CDC42: variants seen among roughly 807,000 people sequenced by gnomAD.
The protein encoded by CDC42 is cell division control protein 42 homolog.
CDC42 carries 1 observed loss-of-function variant against 20.8 expected under a neutral mutation model. The observed-to-expected ratio is 0.05, with a 90% CI of 0.02 to 0.23. The LOEUF is 0.23. Among genes scored for constraint, CDC42 ranks in the 10% least tolerant of loss-of-function variants. The pLI is 1.00. For synonymous variants in CDC42, 72 were observed against 84.8 expected (o/e 0.85, Z 0.83); for missense variants, 49 against 227.9 (o/e 0.21, Z 5.05).
chr1:22,071,048 T>TTC (rs1331669895), intron 1 of CDC42, among the ~76,000 whole-genome samples: 1,827 of 142,886 alleles, frequency 0.013, 55 homozygotes, highest in African/African-American at 0.042. Flanking sequence ...TTTTCTTTCT[T>TTC]TTTTTTTTTT....
At chr1:22,067,661 G>C (rs1460429531) in intron 1 of CDC42, among the ~76,000 whole-genome samples, 1 of 152,056 alleles carries the variant, frequency 6.6e-6, no homozygotes, top group African/African-American at 2.4e-5. Flanking sequence ...GTTCCTTTTT[G>C]CTGTGTCTTC....
intron 5 of CDC42, among the ~76,000 whole-genome samples, chr1:22,087,399 G>A (rs1196307618): frequency 1.3e-5 from 2 of 152,106 alleles, no homozygotes; most frequent in Non-Finnish European, 2.9e-5. Context: ...TATATTTTTG[G>A]AAGTATTCCT....
chr1:22,059,390 T>A (rs1645338320), intron 1 of CDC42: 1 of 152,212 alleles, frequency 6.6e-6, no homozygotes, highest in African/African-American at 2.4e-5. Flanking sequence ...TCATATTCAT[T>A]ATGAAAACTT....
At position 22,099,186 on chromosome 1, in the gene CDC42, A is replaced by G. The variant is rs917403291; in HGVS notation, c.*7669A>G. On this transcript the variant is annotated 3_prime_UTR_variant, in exon 6 of 6. Coordinates refer to ENST00000656825, the MANE Select transcript of CDC42 (RefSeq NM_001791.4). ...GAAGAAAGGTAGCCTCAAGGCCCCCATAAATAAATTGGTGCATTAAGGAAG... is the reference window on the plus strand; with the variant it reads ...GAAGAAAGGTAGCCTCAAGGCCCCCGTAAATAAATTGGTGCATTAAGGAAG... Among the ~76,000 whole-genome samples the G allele has an allele frequency of 8.5e-5, 13 of 152,254 alleles. No individual in the cohort carries two copies. Among genetic ancestry groups the G allele is most frequent in the Non-Finnish European group, 1.0e-4 (7 of 68,040 alleles).
intron 1 of CDC42, among the ~76,000 whole-genome samples, chr1:22,061,201 G>T (rs1645359011): frequency 6.6e-6 from 1 of 152,150 alleles, no homozygotes; most frequent in Non-Finnish European, 1.5e-5. Context: ...GAGGTCAGGA[G>T]TTCGAGACCA....
At chr1:22,076,372 C>T (rs1490760851) in intron 1 of CDC42, among the ~76,000 whole-genome samples, 1 of 151,980 alleles carries the variant, frequency 6.6e-6, no homozygotes, top group African/African-American at 2.4e-5. Flanking sequence ...GCAGGATAAT[C>T]GCTTGAACCC....
intron 5 of CDC42, among the ~76,000 whole-genome samples, chr1:22,087,613 GT>G (rs1178881169): frequency 2.0e-5 from 3 of 152,178 alleles, no homozygotes; most frequent in Non-Finnish European, 4.4e-5. Context: ...AAAGGAAAAG[GT>G]TATGGAAATA....
At chr1:22,079,636 T>C (rs1439214789) in intron 2 of CDC42, among the ~76,000 whole-genome samples, 5 of 152,086 alleles carry the variant, frequency 3.3e-5, no homozygotes, top group Admixed American at 6.6e-5. Context: ...TAAAATCATA[T>C]TGATATTTTG....
At chr1:22,078,906 AT>A (rs1645579158) in intron 2 of CDC42, 18 of 1,061,516 alleles carry the variant, frequency 1.7e-5, no homozygotes, top group Non-Finnish European at 1.8e-5. Context: ...TTTTTTTTTG[AT>A]ATTTTGGCCA....
chr1:22,070,069 T>G (rs1401943743), intron 1 of CDC42, among the ~76,000 whole-genome samples: 1 of 152,210 alleles, frequency 6.6e-6, no homozygotes, highest in Non-Finnish European at 1.5e-5. Context: ...ATTGTAGGCT[T>G]GAGCCACTGT....
chr1:22,098,999 C>G lies in CDC42; in HGVS notation c.*7482C>G, dbSNP rs2124069793. On this transcript the variant is annotated 3_prime_UTR_variant, in exon 6 of 6. Transcript: ENST00000656825. Reference sequence around the variant, plus strand: ...GTCTCGAACTCCTGAGCTGATCCTCCCACCTCGGCCTCCCAACGTGCTGGG... The same window carrying G: ...GTCTCGAACTCCTGAGCTGATCCTCGCACCTCGGCCTCCCAACGTGCTGGG... 6.6e-6 allele frequency among the ~76,000 whole-genome samples: 1 copy of G among 152,286 alleles called. No individual in the cohort carries two copies. The highest frequency in any genetic ancestry group is 2.1e-4 in the South Asian group (1 of 4,832).
intron 1 of CDC42, among the ~76,000 whole-genome samples, chr1:22,066,469 CTG>C (rs1645425082): frequency 6.6e-6 from 1 of 152,058 alleles, no homozygotes; most frequent in Admixed American, 6.6e-5. Context: ...TGAGTGTGTC[CTG>C]TGTGACTGGT....
intron 3 of CDC42, among the ~76,000 whole-genome samples, chr1:22,084,845 CTTTGTCT>C (rs1432291572): frequency 6.6e-6 from 1 of 152,090 alleles, no homozygotes; most frequent in Non-Finnish European, 1.5e-5. Context: ...AAGGTTTCAT[CTTTGTCT>C]TTTGCTTGTG....
intron 1 of CDC42, among the ~76,000 whole-genome samples, chr1:22,065,350 TATTAA>T (rs1557895479): frequency 6.6e-6 from 1 of 152,216 alleles, no homozygotes; most frequent in Non-Finnish European, 1.5e-5. Flanking sequence ...ATGTGACACT[TATTAA>T]ATTAAATTGC....
intron 5 of CDC42, among the ~76,000 whole-genome samples, chr1:22,089,748 G>A (rs764858313): frequency 3.9e-5 from 6 of 152,186 alleles, no homozygotes; most frequent in Non-Finnish European, 7.3e-5. Context: ...AGTTAACCTT[G>A]CTTGAGGTGA....
intron 1 of CDC42, chr1:22,074,048 T>C (rs989706986): frequency 1.3e-5 from 2 of 152,198 alleles, no homozygotes; most frequent in African/African-American, 2.4e-5. Context: ...ATTCAGTTAT[T>C]GGTGCAAAAT....
intron 1 of CDC42, among the ~76,000 whole-genome samples, chr1:22,056,366 G>A (rs1645304922): frequency 6.6e-6 from 1 of 152,182 alleles, no homozygotes; most frequent in South Asian, 2.1e-4. Flanking sequence ...CAGCTGCACT[G>A]TCTGGACAAT....
At chr1:22,086,416 T>C in intron 3 of CDC42, 23 bp from the exon 4 acceptor site, 11 of 1,508,214 alleles carry the variant, frequency 7.3e-6, no homozygotes, top group Non-Finnish European at 9.1e-6. Context: ...CTGAATTCTC[T>C]CCAATATTTT....
At chr1:22,070,666 G>A (rs892519548) in intron 1 of CDC42, among the ~76,000 whole-genome samples, 2 of 151,816 alleles carry the variant, frequency 1.3e-5, no homozygotes, top group East Asian at 1.9e-4. Context: ...GGGTTTCACT[G>A]TGTTAGCCAG....
Sources: allele counts gnomAD v4.1 joint callset (sites outside exome capture counted in the v4.1 genomes callset), GRCh38; gene constraint gnomAD v4.1.1; transcripts MANE v1.5; gene names NCBI Gene and HGNC (gene_info 2026-07-23, HGNC 2026-07-21).